FHOD3: variants seen among roughly 807,000 people sequenced by gnomAD.
FHOD3 encodes formin homology 2 domain containing 3.
Under a neutral mutation model 173.0 loss-of-function variants are expected in FHOD3, and 90 were observed. The observed-to-expected ratio is 0.52, with a 90% confidence interval of 0.44 to 0.62. The LOEUF is 0.62. Among genes scored for constraint, FHOD3 ranks in the 20% least tolerant of loss-of-function variants. FHOD3 has a pLI of 0.00. For synonymous variants in FHOD3, 828 were observed against 823.0 expected, an observed-to-expected ratio of 1.01 and a Z score of -0.10; for missense variants, 1,945 against 2,034.7, an observed-to-expected ratio of 0.96 and a Z score of 0.85.
At chr18:36,352,317 A>G (rs2046168933) in intron 1 of FHOD3, among the ~76,000 whole-genome samples, 1 of 152,182 alleles carries the variant, frequency 6.6e-6, no homozygotes, top group African/African-American at 2.4e-5. Context: ...GAAACTCACA[A>G]TTGAGCAGAT....
At chr18:36,771,232 C>T (rs1244571757) in intron 28 of FHOD3, among the ~76,000 whole-genome samples, 2 of 152,088 alleles carry the variant, frequency 1.3e-5, no homozygotes, top group African/African-American at 4.8e-5. Flanking sequence ...AATGAGATCC[C>T]CAGGTGATTC....
chr18:36,394,606 C>T (rs962697804), intron 3 of FHOD3, among the ~76,000 whole-genome samples: 1 of 152,110 alleles, frequency 6.6e-6, no homozygotes, highest in South Asian at 2.1e-4. Flanking sequence ...CCATTTTTGG[C>T]CACTGGAACC....
intron 19 of FHOD3, among the ~76,000 whole-genome samples, chr18:36,723,433 G>C (rs1015160653): frequency 6.6e-6 from 1 of 152,032 alleles, no homozygotes; most frequent in South Asian, 2.1e-4. Flanking sequence ...ACATCTCCCC[G>C]TCTCCCTTGT....
chr18:36,581,488 A>G (rs2058849565), intron 6 of FHOD3, among the ~76,000 whole-genome samples: 1 of 152,138 alleles, frequency 6.6e-6, no homozygotes, highest in Non-Finnish European at 1.5e-5. Context: ...ATTGCTCTCC[A>G]GGTTAGCTTG....
intron 3 of FHOD3, among the ~76,000 whole-genome samples, chr18:36,431,784 G>C (rs983174987): frequency 6.6e-6 from 1 of 152,208 alleles, no homozygotes; most frequent in Non-Finnish European, 1.5e-5. Context: ...GAAGGCCCAA[G>C]GAAGTTTCCA....
chr18:36,417,419 A>G (rs2049720954), intron 3 of FHOD3, among the ~76,000 whole-genome samples: 1 of 152,176 alleles, frequency 6.6e-6, no homozygotes, highest in African/African-American at 2.4e-5. Context: ...TTATGGCTGC[A>G]TGGTATTCCA....
At chr18:36,539,928 C>T (rs1349037821) in intron 5 of FHOD3, among the ~76,000 whole-genome samples, 1 of 152,138 alleles carries the variant, frequency 6.6e-6, no homozygotes, top group East Asian at 1.9e-4. Context: ...TCCCTTGAAG[C>T]CTTGGACTCA....
chr18:36,366,298 T>A (rs1356656899), intron 2 of FHOD3, among the ~76,000 whole-genome samples: 2 of 151,814 alleles, frequency 1.3e-5, no homozygotes, highest in East Asian at 3.9e-4. Flanking sequence ...CAGACAAAAA[T>A]GAAGCAAGAG....
chr18:36,615,336 A>G (rs1192527336), intron 9 of FHOD3, among the ~76,000 whole-genome samples: 2 of 152,186 alleles, frequency 1.3e-5, no homozygotes, highest in Non-Finnish European at 2.9e-5. Flanking sequence ...ACTTATAAAG[A>G]TAATATATAC....
At chr18:36,485,634 G>A (rs2145634033) in intron 3 of FHOD3, among the ~76,000 whole-genome samples, 1 of 152,312 alleles carries the variant, frequency 6.6e-6, no homozygotes, top group East Asian at 1.9e-4. Context: ...GTGACAAGTG[G>A]CATTATCATG....
At chr18:36,759,573 T>A (rs553930397) in intron 26 of FHOD3, among the ~76,000 whole-genome samples, 3 of 152,226 alleles carry the variant, frequency 2.0e-5, no homozygotes, top group African/African-American at 7.2e-5. Context: ...CCCCAGCCAG[T>A]AGGCAGCCTC....
chr18:36,658,337 C>G (rs923122489), intron 14 of FHOD3, 149 bp downstream of exon 14: 1 of 573,596 alleles, frequency 1.7e-6, no homozygotes, highest in Non-Finnish European at 3.0e-6. Context: ...GGAATATTTT[C>G]TCTTTCTTTC....
At chr18:36,330,350 G>C (rs540309673) in intron 1 of FHOD3, among the ~76,000 whole-genome samples, 26 of 152,206 alleles carry the variant, frequency 1.7e-4, no homozygotes, top group Admixed American at 2.0e-4. Context: ...AATAACATTT[G>C]TGAAAGCATT....
At chr18:36,532,127 CA>C (rs2056808492) in intron 5 of FHOD3, among the ~76,000 whole-genome samples, 1 of 152,230 alleles carries the variant, frequency 6.6e-6, no homozygotes, top group Non-Finnish European at 1.5e-5. Context: ...AAGTTCCTCC[CA>C]GGCCTCAAGT....
chr18:36,482,872 G>C (rs879459679), intron 3 of FHOD3, among the ~76,000 whole-genome samples: 6,138 of 138,714 alleles, frequency 0.044, 249 homozygotes, highest in East Asian at 0.22. Context: ...GAGAGAGAGA[G>C]AGAGAGAGAG....
intron 5 of FHOD3, among the ~76,000 whole-genome samples, chr18:36,572,492 C>CA (rs928067920): frequency 5.9e-5 from 9 of 151,862 alleles, no homozygotes; most frequent in Non-Finnish European, 1.0e-4. Flanking sequence ...TGGGTAGGTA[C>CA]AAAAAAGATG....
At chr18:36,342,963 A>G (rs2045697786) in intron 1 of FHOD3, among the ~76,000 whole-genome samples, 1 of 152,248 alleles carries the variant, frequency 6.6e-6, no homozygotes. Context: ...AATCAAAAGC[A>G]TAGGATATCA....
At chr18:36,763,655 G>GTTATATATAATATATGTGTATTATACACA (rs1567958575) in intron 27 of FHOD3, among the ~76,000 whole-genome samples, 3 of 147,622 alleles carry the variant, frequency 2.0e-5, no homozygotes, top group African/African-American at 7.5e-5. Context: ...TATTATACAC[G>GTTATATATAATATATGTGTATTATACACA]TTATATATAA....
At chr18:36,606,942 T>C (rs968969062) in intron 8 of FHOD3, among the ~76,000 whole-genome samples, 1 of 152,238 alleles carries the variant, frequency 6.6e-6, no homozygotes, top group African/African-American at 2.4e-5. Context: ...GGGGTTGGGG[T>C]TGAGCCCACA....
Sources: allele counts gnomAD v4.1 joint callset (sites outside exome capture counted in the v4.1 genomes callset), GRCh38; gene constraint gnomAD v4.1.1; transcripts MANE v1.5; gene names NCBI Gene and HGNC (gene_info 2026-07-23, HGNC 2026-07-21).